Variants in CNTNAP2 observed in about 807,000 individuals in gnomAD.
The protein encoded by CNTNAP2 is contactin-associated protein-like 2.
In CNTNAP2, 98 loss-of-function variants were observed where a neutral mutation model predicts 155.2. That is an observed-to-expected ratio of 0.63 (90% CI 0.54 to 0.75). The LOEUF is 0.75. Among genes scored for constraint, CNTNAP2 ranks in the 30% least tolerant of loss-of-function variants. The pLI is 0.00. For missense variants in CNTNAP2, 1,727 were observed against 1,688.1 expected, an observed-to-expected ratio of 1.02 and a Z score of -0.40; for synonymous variants, 651 against 631.2, an observed-to-expected ratio of 1.03 and a Z score of -0.47.
chr7:146,900,246 C>A (rs552068414), intron 3 of CNTNAP2, among the ~76,000 whole-genome samples: 1 of 152,260 alleles, frequency 6.6e-6, no homozygotes, highest in Non-Finnish European at 1.5e-5. Flanking sequence ...TCACCAAATT[C>A]TGTCAGTTCT....
intron 21 of CNTNAP2, among the ~76,000 whole-genome samples, chr7:148,356,900 C>CAAAA (rs898262041): frequency 3.4e-5 from 5 of 147,366 alleles, no homozygotes; most frequent in African/African-American, 1.3e-4. Context: ...ATTAAAAAAA[C>CAAAA]AAAAAAACAA....
At chr7:147,493,380 C>G (rs1188655018) in intron 11 of CNTNAP2, among the ~76,000 whole-genome samples, 1 of 152,060 alleles carries the variant, frequency 6.6e-6, no homozygotes, top group African/African-American at 2.4e-5. Context: ...ACTTTCCATC[C>G]CATTCCCACA....
At chr7:147,544,592 C>G (rs1799698272) in intron 11 of CNTNAP2, among the ~76,000 whole-genome samples, 3 of 151,942 alleles carry the variant, frequency 2.0e-5, no homozygotes, top group African/African-American at 7.3e-5. Flanking sequence ...TTCATGGGCC[C>G]TAGAAACTTG....
At chr7:147,631,734 G>A (rs772064991) in intron 12 of CNTNAP2, among the ~76,000 whole-genome samples, 1 of 152,086 alleles carries the variant, frequency 6.6e-6, no homozygotes, top group African/African-American at 2.4e-5. Context: ...GTGGGGAAAG[G>A]ATACCCTATT....
At chr7:147,202,238 A>AT (rs1802936203) in intron 8 of CNTNAP2, among the ~76,000 whole-genome samples, 4 of 34,384 alleles carry the variant, frequency 1.2e-4, no homozygotes, top group Admixed American at 6.1e-4. Flanking sequence ...GGCTAGCCTG[A>AT]TTTAAAAAAA....
chr7:146,475,848 G>A (rs144089548), intron 1 of CNTNAP2, among the ~76,000 whole-genome samples: 1 of 152,232 alleles, frequency 6.6e-6, no homozygotes, highest in East Asian at 1.9e-4. Flanking sequence ...AGCTAATGAT[G>A]TTGTCACAGT....
At chr7:147,443,458 T>C (rs1030776595) in intron 10 of CNTNAP2, among the ~76,000 whole-genome samples, 2 of 151,400 alleles carry the variant, frequency 1.3e-5, no homozygotes, top group Non-Finnish European at 2.9e-5. Context: ...GTAAGGACTA[T>C]TTTTTTTTCT....
At chr7:146,679,807 C>T (rs1023113593) in intron 1 of CNTNAP2, among the ~76,000 whole-genome samples, 1 of 152,040 alleles carries the variant, frequency 6.6e-6, no homozygotes, top group South Asian at 2.1e-4. Flanking sequence ...GGTAACATTA[C>T]TTGACTTCAA....
At chr7:146,375,089 T>A (rs912810364) in intron 1 of CNTNAP2, among the ~76,000 whole-genome samples, 1 of 152,230 alleles carries the variant, frequency 6.6e-6, no homozygotes, top group African/African-American at 2.4e-5. Flanking sequence ...AAACTTCACT[T>A]GTGTTCACAA....
chr7:147,108,565 C>A (rs1800814551), intron 5 of CNTNAP2, among the ~76,000 whole-genome samples: 2 of 152,294 alleles, frequency 1.3e-5, no homozygotes, highest in Non-Finnish European at 2.9e-5. Flanking sequence ...CTATACTAGT[C>A]TTTGGCCTAC....
chr7:146,278,031 A>C (rs1800191493), intron 1 of CNTNAP2, among the ~76,000 whole-genome samples: 1 of 152,222 alleles, frequency 6.6e-6, no homozygotes, highest in Non-Finnish European at 1.5e-5. Flanking sequence ...AGGGAGACAC[A>C]GAAGCAAAAG....
intron 1 of CNTNAP2, among the ~76,000 whole-genome samples, chr7:146,618,852 C>T (rs1410604963): frequency 6.6e-6 from 1 of 151,910 alleles, no homozygotes; most frequent in African/African-American, 2.4e-5. Context: ...GGCGGATAAC[C>T]TGAGGTCAGG....
At chr7:146,412,608 A>T (rs1795881889) in intron 1 of CNTNAP2, among the ~76,000 whole-genome samples, 4 of 152,198 alleles carry the variant, frequency 2.6e-5, no homozygotes, top group Admixed American at 1.3e-4. Context: ...AGTGCTAAAG[A>T]TGCCTGGTAG....
chr7:148,227,051 C>T (rs1350175760), intron 19 of CNTNAP2, among the ~76,000 whole-genome samples: 1 of 152,166 alleles, frequency 6.6e-6, no homozygotes, highest in Non-Finnish European at 1.5e-5. Flanking sequence ...ACCATGGAAA[C>T]AGGCCTGAAT....
chr7:148,083,273 G>GAAA (rs1158320993), intron 15 of CNTNAP2, among the ~76,000 whole-genome samples: 37 of 152,294 alleles, frequency 2.4e-4, no homozygotes, highest in African/African-American at 8.7e-4. Context: ...ATAATTTATG[G>GAAA]CTGACACTGA....
intron 1 of CNTNAP2, among the ~76,000 whole-genome samples, chr7:146,509,602 G>T (rs1480193607): frequency 6.6e-6 from 1 of 152,146 alleles, no homozygotes; most frequent in Non-Finnish European, 1.5e-5. Context: ...GCCCACAACA[G>T]AGGTTCTTCC....
intron 8 of CNTNAP2, among the ~76,000 whole-genome samples, chr7:147,166,639 G>T (rs1433518836): frequency 6.6e-6 from 1 of 152,174 alleles, no homozygotes; most frequent in Non-Finnish European, 1.5e-5. Flanking sequence ...GTGCAGGCGG[G>T]CTGAGTCTGA....
chr7:147,234,262 T>A (rs1490732907), intron 8 of CNTNAP2, among the ~76,000 whole-genome samples: 2 of 151,512 alleles, frequency 1.3e-5, no homozygotes, highest in Admixed American at 6.6e-5. Context: ...AATCAGGAAA[T>A]TAACATTATT....
intron 1 of CNTNAP2, among the ~76,000 whole-genome samples, chr7:146,173,539 A>C (rs2116824100): frequency 6.6e-6 from 1 of 152,244 alleles, no homozygotes; most frequent in South Asian, 2.1e-4. Context: ...TATAAGGCTA[A>C]ATTCAAATCT....
Sources: gnomAD v4.1 joint callset for allele counts (sites outside exome capture counted in the v4.1 genomes callset) on GRCh38, gnomAD v4.1.1 for gene constraint, MANE v1.5 for transcripts, NCBI Gene and HGNC (gene_info 2026-07-23, HGNC 2026-07-21) for gene names.